Variants in TRIM44 observed in about 807,000 individuals in gnomAD.
TRIM44 encodes the protein tripartite motif containing 44.
TRIM44 carries 13 observed loss-of-function variants against 37.4 expected under a neutral mutation model. That is an observed-to-expected ratio of 0.35 (90% CI 0.23 to 0.55). The LOEUF (loss-of-function observed/expected upper bound fraction) is 0.55, where lower values mean the gene tolerates loss of function less well. Ranked by LOEUF, TRIM44 falls within the 20% of genes least tolerant of loss-of-function variation. The pLI is 0.89. For missense variants in TRIM44, 426 were observed against 437.2 expected, an observed-to-expected ratio of 0.97 and a Z score of 0.23; for synonymous variants, 175 against 157.2, an observed-to-expected ratio of 1.11 and a Z score of -0.85.
intron 1 of TRIM44, among the ~76,000 whole-genome samples, chr11:35,684,329 A>G (rs1851550873): frequency 6.6e-6 from 1 of 152,248 alleles, no homozygotes; most frequent in South Asian, 2.1e-4. Context: ...TAAGTAAAAT[A>G]CATCAAAATC....
chr11:35,688,097 G>C lies in TRIM44; in HGVS notation c.747+2761G>C, dbSNP rs530111276. Among the ~76,000 whole-genome samples the C allele has an allele frequency of 1.1e-4, 17 of 152,278 alleles. 1 individual carries two copies. In the South Asian group the frequency reaches 3.5e-3, roughly 32 times the overall value. ...CAACCCTTAAGTTTTTGTCTGTTCT[G>C]TTTTCCCACAGAGCCCCACCATCCC... On this transcript the variant is annotated intron_variant, in intron 2 of 4. Transcript: ENST00000299413.
chr11:35,710,667 A>G (rs185635091), intron 2 of TRIM44, among the ~76,000 whole-genome samples: 28 of 152,328 alleles, frequency 1.8e-4, no homozygotes, highest in African/African-American at 6.0e-4. Context: ...AAGAGTTTCT[A>G]GTGATTGGAA....
At chr11:35,733,220 T>C (rs183870149) in intron 3 of TRIM44, among the ~76,000 whole-genome samples, 6 of 152,194 alleles carry the variant, frequency 3.9e-5, no homozygotes, top group Non-Finnish European at 8.8e-5. Context: ...TTGGGATTAA[T>C]GAACCAGAAT....
chr11:35,777,951 A>G (rs1256501582), intron 4 of TRIM44, among the ~76,000 whole-genome samples: 3 of 152,084 alleles, frequency 2.0e-5, no homozygotes, highest in Non-Finnish European at 4.4e-5. Flanking sequence ...TGCTGTTCTC[A>G]AGGAGTATCT....
intron 2 of TRIM44, among the ~76,000 whole-genome samples, chr11:35,720,137 A>G (rs1852083652): frequency 6.6e-6 from 1 of 152,210 alleles, no homozygotes; most frequent in Non-Finnish European, 1.5e-5. Flanking sequence ...AAGACCTGAC[A>G]TCTTGACAAT....
At position 35,815,094 on chromosome 11, in the gene TRIM44, C is replaced by T. The variant is rs915679287; in HGVS notation, c.*8709C>T. 1.1e-4 allele frequency: 16 copies of T among 152,118 alleles called. No individual in the cohort carries two copies. Among genetic ancestry groups the T allele is most frequent in the African/African-American group, 3.9e-4 (16 of 41,436 alleles). The allele number at this position is 152,118 out of a possible 1,614,324, so 9.4% of individuals were successfully genotyped here. A position where few individuals can be genotyped will look rare whatever the true frequency, so the allele number is the denominator to read the frequency against. The stretch of plus-strand genomic sequence containing the variant: ...CCTCTGCTTGCTTTCCTCCCTAAGC[C>T]AGAGTGTAGTTAAACATTTATATGT... On this transcript the variant is annotated 3_prime_UTR_variant, in exon 5 of 5. Coordinates refer to ENST00000299413, the MANE Select transcript of TRIM44 (RefSeq NM_017583.6).
chr11:35,700,388 T>A (rs1028583009), intron 2 of TRIM44, among the ~76,000 whole-genome samples: 11 of 152,204 alleles, frequency 7.2e-5, no homozygotes, highest in Non-Finnish European at 1.5e-4. Context: ...AAAACAATCC[T>A]TTAACCCTCC....
At chr11:35,707,120 C>T (rs1053771073) in intron 2 of TRIM44, among the ~76,000 whole-genome samples, 7 of 152,148 alleles carry the variant, frequency 4.6e-5, no homozygotes, top group African/African-American at 1.7e-4. Context: ...ACACCAATAA[C>T]AGACAAACAG....
intron 3 of TRIM44, among the ~76,000 whole-genome samples, chr11:35,733,793 C>T (rs1484812406): frequency 2.0e-5 from 3 of 152,144 alleles, no homozygotes; most frequent in Non-Finnish European, 4.4e-5. Context: ...CCACCCCCAG[C>T]GCCCTGCCCA....
At chr11:35,720,952 G>A (rs967795818) in intron 2 of TRIM44, among the ~76,000 whole-genome samples, 2 of 150,268 alleles carry the variant, frequency 1.3e-5, no homozygotes, top group Admixed American at 1.3e-4. Flanking sequence ...CACCTAGGCT[G>A]GAGTGCAGTG....
intron 2 of TRIM44, among the ~76,000 whole-genome samples, chr11:35,685,687 A>G (rs1851567119): frequency 6.6e-6 from 1 of 151,742 alleles, no homozygotes; most frequent in Non-Finnish European, 1.5e-5. Context: ...TTTTTGAGAC[A>G]GAGTCTCGCT....
chr11:35,696,534 C>A (rs756791174), intron 2 of TRIM44, among the ~76,000 whole-genome samples: 11 of 151,848 alleles, frequency 7.2e-5, no homozygotes, highest in Non-Finnish European at 1.3e-4. Context: ...TCCCCCAGCC[C>A]CTTTTTTGGT....
At chr11:35,682,949 C>T (rs1851536574) in intron 1 of TRIM44, among the ~76,000 whole-genome samples, 1 of 152,136 alleles carries the variant, frequency 6.6e-6, no homozygotes, top group Non-Finnish European at 1.5e-5. Context: ...TATATCAGAG[C>T]TCTTGCCGAA....
intron 3 of TRIM44, among the ~76,000 whole-genome samples, chr11:35,730,304 AG>A (rs1236081750): frequency 6.6e-6 from 1 of 152,242 alleles, no homozygotes; most frequent in African/African-American, 2.4e-5. Flanking sequence ...TCTAAACAGC[AG>A]CAAAAAAACA....
chr11:35,780,569 T>C (rs1001964), intron 4 of TRIM44, among the ~76,000 whole-genome samples: 1,979 of 152,306 alleles, frequency 0.013, 46 homozygotes, highest in African/African-American at 0.045. Context: ...TCTCATTTAA[T>C]TGTAACACTG....
At chr11:35,692,371 C>G (rs866786923) in intron 2 of TRIM44, among the ~76,000 whole-genome samples, 3 of 152,074 alleles carry the variant, frequency 2.0e-5, no homozygotes, top group African/African-American at 2.4e-5. Context: ...TATTATGGTT[C>G]TTTGTCTTTT....
rs117043755 is a variant in TRIM44, at chr11:35,726,937, A to G, written c.987+774A>G. Among the ~76,000 whole-genome samples, 1,229 of 151,980 alleles carry G rather than the reference A, an allele frequency of 8.1e-3. 10 individuals are homozygous for G. Among genetic ancestry groups the G allele is most frequent in the Non-Finnish European group, 0.014 (921 of 67,974 alleles). On this transcript the variant is annotated intron_variant, in intron 3 of 4. Transcript: ENST00000299413. ...CACTTTGGGAGGCTAGGGTGGAAGG[A>G]TTGCTTGAGTCCAGGAGTTTGAGAC...
chr11:35,720,121 C>T (rs1037141531), intron 2 of TRIM44, among the ~76,000 whole-genome samples: 1 of 152,172 alleles, frequency 6.6e-6, no homozygotes, highest in Admixed American at 6.5e-5. Flanking sequence ...TGTAGATCAA[C>T]TTTGGAAGAC....
chr11:35,754,361 T>A (rs1048022840), intron 4 of TRIM44, among the ~76,000 whole-genome samples: 1 of 152,316 alleles, frequency 6.6e-6, no homozygotes, highest in South Asian at 2.1e-4. Flanking sequence ...TGCTGCCTGC[T>A]GCTCACTCTA....
Sources: gnomAD v4.1 joint callset for allele counts (sites outside exome capture counted in the v4.1 genomes callset) on GRCh38, gnomAD v4.1.1 for gene constraint, MANE v1.5 for transcripts, NCBI Gene and HGNC (gene_info 2026-07-23, HGNC 2026-07-21) for gene names.